The following RPS6KC1 variants were observed in gnomAD, a reference collection of about 807,000 sequenced individuals.
RPS6KC1 encodes ribosomal protein S6 kinase C1.
In RPS6KC1, 54 loss-of-function variants were observed where a neutral mutation model predicts 103.8. The ratio of observed to expected loss-of-function variants is 0.52; its 90% confidence interval spans 0.42 to 0.65. RPS6KC1 has a LOEUF of 0.65. Among genes scored for constraint, RPS6KC1 ranks in the 30% least tolerant of loss-of-function variants. The probability of loss-of-function intolerance (pLI) is 0.00; values close to 1 mark genes in which losing one functional copy is unlikely to be tolerated. For synonymous variants in RPS6KC1, 439 were observed against 438.7 expected (o/e 1.00, Z -0.01); for missense variants, 1,151 against 1,253.8 (o/e 0.92, Z 1.24).
chr1:213,809,760 A>G, the RPS6KC1 span, among the ~76,000 whole-genome samples: 15 of 152,340 alleles, frequency 9.8e-5, no homozygotes, highest in African/African-American at 3.4e-4. Context: ...TGATCCATAC[A>G]TCAGAGATCA....
intron 6 of RPS6KC1, among the ~76,000 whole-genome samples, chr1:213,156,505 A>G (rs1315764265): frequency 6.6e-6 from 1 of 152,192 alleles, no homozygotes; most frequent in Non-Finnish European, 1.5e-5. Context: ...ACCCCAAGCA[A>G]AGAAACATGA....
At chr1:213,477,124 C>T in the RPS6KC1 span, among the ~76,000 whole-genome samples, 152 of 152,228 alleles carry the variant, frequency 1.0e-3, 2 homozygotes, top group Admixed American at 8.4e-3. Context: ...GACAAACCCT[C>T]TGTGGCTGCC....
chr1:213,772,082 T>C, the RPS6KC1 span, among the ~76,000 whole-genome samples: 1 of 152,234 alleles, frequency 6.6e-6, no homozygotes, highest in Non-Finnish European at 1.5e-5. Flanking sequence ...TATTGAATTA[T>C]ATGTTTCAAT....
intron 6 of RPS6KC1, among the ~76,000 whole-genome samples, chr1:213,149,760 T>G (rs372537205): frequency 6.6e-6 from 1 of 152,242 alleles, no homozygotes; most frequent in African/African-American, 2.4e-5. Flanking sequence ...CTCCAGCTAT[T>G]ATTAGATTGG....
At position 213,142,706 on chromosome 1, in the gene RPS6KC1, A is replaced by G. The variant is rs528396675; in HGVS notation, c.835+12817A>G. 9.9e-5 allele frequency among the ~76,000 whole-genome samples: 15 copies of G among 152,216 alleles called. No individual in the cohort carries two copies. In the South Asian group the frequency reaches 2.7e-3, roughly 27 times the overall value. Reference sequence around the variant, plus strand: ...TACCCTGATCAGTCGGCAGCCAGCAACATAAAAGCAGTATTCCCTCTAACA... The same window carrying G: ...TACCCTGATCAGTCGGCAGCCAGCAGCATAAAAGCAGTATTCCCTCTAACA... On this transcript the variant is annotated intron_variant, in intron 6 of 14. Coordinates refer to ENST00000366960, the MANE Select transcript of RPS6KC1 (RefSeq NM_012424.6).
the RPS6KC1 span, among the ~76,000 whole-genome samples, chr1:213,769,353 G>T: frequency 6.6e-6 from 1 of 151,828 alleles, no homozygotes; most frequent in Admixed American, 6.6e-5. Context: ...CGATAGTATG[G>T]GAGGAGACCC....
chr1:213,648,036 A>G, the RPS6KC1 span, among the ~76,000 whole-genome samples: 1 of 152,142 alleles, frequency 6.6e-6, no homozygotes, highest in Admixed American at 6.5e-5. Flanking sequence ...ACCACCAACA[A>G]CTTAGCTTTG....
the RPS6KC1 span, among the ~76,000 whole-genome samples, chr1:213,515,251 AT>A: frequency 6.6e-6 from 1 of 152,054 alleles, no homozygotes; most frequent in Non-Finnish European, 1.5e-5. Context: ...CCATTTGTCA[AT>A]TTTGGCTTTT....
chr1:213,104,619 A>G, intron 4 of RPS6KC1, 50 bp downstream of exon 4: 11 of 1,051,314 alleles, frequency 1.0e-5, no homozygotes, highest in Non-Finnish European at 1.4e-5. Flanking sequence ...TACTTTTGTA[A>G]TTTGTAGTAA....
the RPS6KC1 span, among the ~76,000 whole-genome samples, chr1:213,439,612 G>A: frequency 6.6e-6 from 1 of 152,128 alleles, no homozygotes; most frequent in Non-Finnish European, 1.5e-5. Context: ...ATTGAAAAGA[G>A]GGAAAATTTG....
At chr1:213,312,052 C>T in the RPS6KC1 span, among the ~76,000 whole-genome samples, 4 of 152,170 alleles carry the variant, frequency 2.6e-5, no homozygotes, top group East Asian at 7.7e-4. Flanking sequence ...TGTGCGCCAC[C>T]ATGCCGGACT....
At chr1:213,072,927 T>G in intron 2 of RPS6KC1, 3 of 982,082 alleles carry the variant, frequency 3.1e-6, no homozygotes, top group Non-Finnish European at 3.6e-6. Context: ...CTTAGTCCTT[T>G]TTTCGGGAAA....
the RPS6KC1 span, among the ~76,000 whole-genome samples, chr1:213,395,714 A>G: frequency 6.6e-6 from 1 of 152,196 alleles, no homozygotes; most frequent in Admixed American, 6.5e-5. Flanking sequence ...CAAACTTTCT[A>G]AAGATTTAAT....
At chr1:213,743,010 A>G in the RPS6KC1 span, among the ~76,000 whole-genome samples, 3 of 152,246 alleles carry the variant, frequency 2.0e-5, no homozygotes, top group African/African-American at 7.2e-5. Flanking sequence ...CAGAATTACC[A>G]TTCAACCCAG....
chr1:213,617,992 T>C, the RPS6KC1 span, among the ~76,000 whole-genome samples: 1 of 152,224 alleles, frequency 6.6e-6, no homozygotes, highest in Admixed American at 6.5e-5. Context: ...TTGTGATTTA[T>C]TTTTCCACTT....
chr1:213,836,061 A>T, the RPS6KC1 span: 1 of 151,846 alleles, frequency 6.6e-6, no homozygotes, highest in Non-Finnish European at 1.5e-5. Context: ...ATACCTGGAG[A>T]AAAAGGAGTC....
intron 7 of RPS6KC1, among the ~76,000 whole-genome samples, chr1:213,175,049 C>G (rs528026172): frequency 2.6e-5 from 4 of 151,994 alleles, no homozygotes; most frequent in Non-Finnish European, 5.9e-5. Flanking sequence ...GAAAACAAAA[C>G]AAAAAAATTG....
chr1:213,831,004 A>G, the RPS6KC1 span, among the ~76,000 whole-genome samples: 1 of 152,154 alleles, frequency 6.6e-6, no homozygotes, highest in Non-Finnish European at 1.5e-5. Context: ...CCAGTCTCCT[A>G]TAGCCATCCT....
chr1:213,613,833 A>G, the RPS6KC1 span, among the ~76,000 whole-genome samples: 1 of 152,210 alleles, frequency 6.6e-6, no homozygotes, highest in Non-Finnish European at 1.5e-5. Context: ...TACATGTACC[A>G]GGAAAACCAC....
Sources: allele counts gnomAD v4.1 joint callset (sites outside exome capture counted in the v4.1 genomes callset), GRCh38; gene constraint gnomAD v4.1.1; transcripts MANE v1.5; gene names NCBI Gene and HGNC (gene_info 2026-07-23, HGNC 2026-07-21).